The following PLA2G5 variants were observed in gnomAD, a reference collection of about 807,000 sequenced individuals.
PLA2G5 encodes the protein phospholipase A2 group V, also known as Ca2+-dependent phospholipase A2.
Under a neutral mutation model 15.9 loss-of-function variants are expected in PLA2G5, and 12 were observed. The ratio of observed to expected loss-of-function variants is 0.76; its 90% CI spans 0.48 to 1.23. The LOEUF is 1.23. Among genes scored for constraint, PLA2G5 ranks in the 50% most tolerant of loss-of-function variants. The pLI, the probability that PLA2G5 is intolerant of heterozygous loss-of-function variation, is 0.00. For missense variants in PLA2G5, 169 were observed against 177.1 expected, an observed-to-expected ratio of 0.95 and a Z score of 0.26; for synonymous variants, 71 against 71.4, an observed-to-expected ratio of 0.99 and a Z score of 0.03.
At position 20,034,728 on chromosome 1, in the gene PLA2G5, G is replaced by A. The variant is rs564967695; in HGVS notation, n.276+6019G>A. Among the ~76,000 whole-genome samples, 30 of 152,242 alleles carry A rather than the reference G, an allele frequency of 2.0e-4. No homozygotes were observed. The East Asian group carries it at 3.9e-3, about 20-fold the overall frequency. On this transcript the variant is annotated intron_variant and non_coding_transcript_variant, in intron 1 of 6. Transcript: ENST00000460175. ...GTTTGGCTATTGTGAGTCTAGAAAC[G>A]TTCCAAACTTCAGGATCAACAGAAA...
chr1:20,034,469 C>A (rs1229021080), intron 1 of PLA2G5, among the ~76,000 whole-genome samples: 2 of 152,128 alleles, frequency 1.3e-5, no homozygotes, highest in East Asian at 1.9e-4. Flanking sequence ...GGATTGGAAC[C>A]ACTGCCTGGT....
Position 20,070,313 on chromosome 1 carries a change from A to G in PLA2G5, c.-163A>G. On this transcript the variant is annotated 5_prime_UTR_variant, in exon 1 of 5. Transcript: ENST00000375108. The stretch of plus-strand genomic sequence containing the variant: ...TCACAGCTTTAAGATTCTGGAGGCC[A>G]AGAATTTGACTCCCCCCGGATCCAT... 1.0e-6 allele frequency: 1 copy of G among 985,484 alleles called. No homozygotes were observed. Among genetic ancestry groups the G allele is most frequent in the Non-Finnish European group, 1.2e-6 (1 of 829,966 alleles). The allele number at this position is 985,484 out of a possible 1,614,324, so 61.0% of individuals were successfully genotyped here. A position where few individuals can be genotyped will look rare whatever the true frequency, so the allele number is the denominator to read the frequency against.
intron 1 of PLA2G5, among the ~76,000 whole-genome samples, chr1:20,081,806 C>T (rs951051041): frequency 6.6e-6 from 1 of 151,826 alleles, no homozygotes; most frequent in Middle Eastern, 3.2e-3. Flanking sequence ...GTAATCCCAG[C>T]ACTTTAGGAG....
chr1:20,089,375 T>A (rs2016452006), intron 3 of PLA2G5, among the ~76,000 whole-genome samples: 3 of 152,156 alleles, frequency 2.0e-5, no homozygotes, highest in Admixed American at 2.0e-4. Context: ...AGTTCTGCCA[T>A]CCCCTATGGC....
At chr1:20,075,894 C>CA (rs1450468768) in intron 1 of PLA2G5, among the ~76,000 whole-genome samples, 1 of 108,540 alleles carries the variant, frequency 9.2e-6, no homozygotes, top group African/African-American at 3.6e-5. Flanking sequence ...TTTTTTGAGA[C>CA]AAAGTCTCAC....
At chr1:20,035,724 G>A (rs911852572) in intron 1 of PLA2G5, among the ~76,000 whole-genome samples, 3 of 152,176 alleles carry the variant, frequency 2.0e-5, no homozygotes, top group Non-Finnish European at 4.4e-5. Flanking sequence ...AACATTCAAT[G>A]TGAGTATTGA....
upstream of PLA2G5, among the ~76,000 whole-genome samples, chr1:20,066,902 A>C (rs528568699): frequency 1.3e-5 from 2 of 152,294 alleles, no homozygotes; most frequent in African/African-American, 4.8e-5. Flanking sequence ...GCTACTTGGG[A>C]GGCTTGGGTG....
intron 1 of PLA2G5, among the ~76,000 whole-genome samples, chr1:20,034,639 G>C (rs1026443164): frequency 1.3e-5 from 2 of 152,134 alleles, no homozygotes; most frequent in African/African-American, 4.8e-5. Flanking sequence ...TGGGTTAAGG[G>C]GATATTGAGA....
At position 20,055,284 on chromosome 1, in the gene PLA2G5, T is replaced by C. The variant is rs997974969; in HGVS notation, n.277-4348T>C. 3.9e-5 allele frequency among the ~76,000 whole-genome samples: 6 copies of C among 152,240 alleles called. No homozygotes were observed. The East Asian group carries it at 1.2e-3, about 29-fold the overall frequency. ...GGGAACTATGTCTCCCAGAATTCTCTTTCCCGTATGGTTCTAGATTAGAGT... is the reference window on the plus strand; with the variant it reads ...GGGAACTATGTCTCCCAGAATTCTCCTTCCCGTATGGTTCTAGATTAGAGT... On this transcript the variant is annotated intron_variant and non_coding_transcript_variant, in intron 1 of 6. Transcript: ENST00000460175.
chr1:20,075,159 G>A (rs552633061), intron 1 of PLA2G5, among the ~76,000 whole-genome samples: 45 of 152,294 alleles, frequency 3.0e-4, no homozygotes, highest in African/African-American at 1.0e-3. Context: ...AGCTTTGGGG[G>A]TCTTTGGACA....
chr1:20,029,812 C>A (rs936039697), intron 1 of PLA2G5, among the ~76,000 whole-genome samples: 2 of 152,112 alleles, frequency 1.3e-5, no homozygotes, highest in Non-Finnish European at 2.9e-5. Context: ...GGTTGTTAGG[C>A]AAAATGTTAA....
At chr1:20,081,723 G>A (rs2016038103) in intron 1 of PLA2G5, among the ~76,000 whole-genome samples, 1 of 151,806 alleles carries the variant, frequency 6.6e-6, no homozygotes, top group African/African-American at 2.4e-5. Flanking sequence ...GGTTGTGTCA[G>A]CAGTGGGACG....
intron 1 of PLA2G5, among the ~76,000 whole-genome samples, chr1:20,050,822 A>C (rs1232470811): frequency 6.6e-6 from 1 of 152,150 alleles, no homozygotes; most frequent in Non-Finnish European, 1.5e-5. Flanking sequence ...AACTTTCCAA[A>C]ATCAAATTAT....
At chr1:20,056,059 AG>A (rs1301257465) in intron 1 of PLA2G5, among the ~76,000 whole-genome samples, 3 of 152,142 alleles carry the variant, frequency 2.0e-5, no homozygotes, top group Non-Finnish European at 4.4e-5. Flanking sequence ...AGAGGCTAAA[AG>A]GCTAAACACT....
At chr1:20,085,740 G>C (rs2016253155) in intron 2 of PLA2G5, among the ~76,000 whole-genome samples, 1 of 152,108 alleles carries the variant, frequency 6.6e-6, no homozygotes, top group Non-Finnish European at 1.5e-5. Context: ...TTACATAGTT[G>C]ATCTTATTTT....
At position 20,090,821 on chromosome 1, in the gene PLA2G5, G is replaced by T; in HGVS notation, c.*129G>T. On this transcript the variant is annotated 3_prime_UTR_variant, in exon 5 of 5. Transcript: ENST00000375108. Reference sequence around the variant, plus strand: ...ACCTCAGTCTTTCTCGAAGCTTGGCGGACCCCCAGGGCCACACTGTACCCT... The same window carrying T: ...ACCTCAGTCTTTCTCGAAGCTTGGCTGACCCCCAGGGCCACACTGTACCCT... 1.1e-6 allele frequency: 1 copy of T among 930,376 alleles called. No individual in the cohort carries two copies. Among genetic ancestry groups the T allele is most frequent in the Non-Finnish European group, 1.7e-6 (1 of 592,534 alleles). The allele number at this position is 930,376 out of a possible 1,614,324, so 57.6% of individuals were successfully genotyped here. A position where few individuals can be genotyped will look rare whatever the true frequency, so the allele number is the denominator to read the frequency against.
chr1:20,043,056 G>A (rs1377101510), intron 1 of PLA2G5, among the ~76,000 whole-genome samples: 1 of 152,150 alleles, frequency 6.6e-6, no homozygotes, highest in Non-Finnish European at 1.5e-5. Flanking sequence ...AAGCCTTGCA[G>A]CAATACAGCC....
chr1:20,071,757 A>C (rs1476866933), intron 1 of PLA2G5, among the ~76,000 whole-genome samples: 1 of 151,902 alleles, frequency 6.6e-6, no homozygotes, highest in Non-Finnish European at 1.5e-5. Context: ...TTGCTCCTTC[A>C]CGGCTTTACT....
chr1:20,075,868 CTTTTT>C (rs534879331), intron 1 of PLA2G5, among the ~76,000 whole-genome samples: 12 of 121,772 alleles, frequency 9.9e-5, no homozygotes, highest in African/African-American at 2.8e-4. Flanking sequence ...ATTTCTTTCT[CTTTTT>C]TTTTTTTTTT....
Sources: allele counts gnomAD v4.1 joint callset (sites outside exome capture counted in the v4.1 genomes callset), GRCh38; gene constraint gnomAD v4.1.1; transcripts MANE v1.5; gene names NCBI Gene and HGNC (gene_info 2026-07-23, HGNC 2026-07-21).